ZDHHC2: variants seen among roughly 807,000 people sequenced by gnomAD.
ZDHHC2 encodes the protein zDHHC palmitoyltransferase 2.
A neutral mutation model predicts 55.6 loss-of-function variants in ZDHHC2; 51 were observed. The ratio of observed to expected loss-of-function variants is 0.92; its 90% CI spans 0.73 to 1.16. The LOEUF (loss-of-function observed/expected upper bound fraction) is 1.16. Ranked by LOEUF, ZDHHC2 falls within the 50% of genes most tolerant of loss-of-function variation. The pLI is 0.00. For synonymous variants in ZDHHC2, 199 were observed against 152.9 expected (o/e 1.30, Z -2.22); for missense variants, 491 against 442.4 (o/e 1.11, Z -0.99).
intron 2 of ZDHHC2, among the ~76,000 whole-genome samples, chr8:17,185,712 A>G (rs1345455341): frequency 6.6e-6 from 1 of 152,206 alleles, no homozygotes; most frequent in African/African-American, 2.4e-5. Flanking sequence ...TCAAGACTTT[A>G]TAACACCACC....
chr8:17,205,063 C>A (rs538694992), intron 6 of ZDHHC2, among the ~76,000 whole-genome samples: 1 of 152,150 alleles, frequency 6.6e-6, no homozygotes, highest in Non-Finnish European at 1.5e-5. Flanking sequence ...AAATGAAATT[C>A]TAATCGATGA....
intron 2 of ZDHHC2, among the ~76,000 whole-genome samples, chr8:17,185,177 C>G (rs1431664930): frequency 6.6e-6 from 1 of 152,072 alleles, no homozygotes; most frequent in Non-Finnish European, 1.5e-5. Flanking sequence ...TTGAATAATT[C>G]AAATTTTTAA....
intron 1 of ZDHHC2, among the ~76,000 whole-genome samples, chr8:17,173,939 C>T (rs1022980006): frequency 6.6e-6 from 1 of 151,938 alleles, no homozygotes; most frequent in African/African-American, 2.4e-5. Context: ...ACTTGCTGTC[C>T]TTAAAAGAAG....
Position 17,199,509 on chromosome 8 carries a change from T to TTCTTCGTCTTCG in ZDHHC2, c.476+1108_476+1119dup, listed in dbSNP as rs1554466017. On this transcript the variant is annotated intron_variant, in intron 6 of 12. Coordinates refer to ENST00000262096, the MANE Select transcript of ZDHHC2 (RefSeq NM_016353.5). ...CTTCTTCTTCTTCTTCTTCTTCTTC[T>TTCTTCGTCTTCG]TCTTCGTCTTCGTCTTCGTCTTCTG... 4.9e-3 allele frequency among the ~76,000 whole-genome samples: 597 copies of TTCTTCGTCTTCG among 121,076 alleles called. 25 individuals carry two copies. Among genetic ancestry groups the TTCTTCGTCTTCG allele is most frequent in the East Asian group, 0.026 (91 of 3,534 alleles). 79.4% of individuals were successfully genotyped at this position (121,076 alleles called of 152,430 possible).
Position 17,186,342 on chromosome 8 carries a change from A to T in ZDHHC2, c.169A>T (p.Met57Leu). The change falls in exon 3 of 13, where the codon ATG becomes TTG. Residue 57 changes from methionine (M) to leucine (L), a missense_variant. By Grantham distance (15) the Met-to-Leu change is conservative. Transcript: ENST00000262096. Reference protein sequence around the residue: ...ENTGEQVVCLMAYHLLFAMFV... With the variant: ...ENTGEQVVCLLAYHLLFAMFV... Reference sequence around the variant, plus strand: ...TTTTCTCATTTTAGTTGTGTGCCTGATGGCCTATCATCTACTTTTTGCAAT... The same window carrying T: ...TTTTCTCATTTTAGTTGTGTGCCTGTTGGCCTATCATCTACTTTTTGCAAT... 1 of 1,595,118 alleles carries T rather than the reference A, an allele frequency of 6.3e-7. No homozygotes were observed. The highest frequency in any genetic ancestry group is 8.5e-7 in the Non-Finnish European group (1 of 1,171,848).
intron 1 of ZDHHC2, among the ~76,000 whole-genome samples, chr8:17,168,737 CATACAAT>C (rs1175089272): frequency 1.3e-5 from 2 of 152,082 alleles, no homozygotes; most frequent in Non-Finnish European, 2.9e-5. Context: ...TGAGTGGAAT[CATACAAT>C]ATTTGTCCTT....
At position 17,222,078 on chromosome 8, in the gene ZDHHC2, G is replaced by A; in HGVS notation, c.*1857G>A. ...CCCTCTTGTCAAACTGGAAGCTAGGGGAAAAAGAGGGATTTTTATCCTTTA... is the reference window on the plus strand; with the variant it reads ...CCCTCTTGTCAAACTGGAAGCTAGGAGAAAAAGAGGGATTTTTATCCTTTA... On this transcript the variant is annotated 3_prime_UTR_variant, in exon 13 of 13. Transcript: ENST00000262096. 1 of 150,072 alleles carries A rather than the reference G, an allele frequency of 6.7e-6. No homozygotes were observed. The highest frequency in any genetic ancestry group is 1.9e-4 in the East Asian group (1 of 5,146). The allele number at this position is 150,072 out of a possible 1,614,324, so 9.3% of individuals were successfully genotyped here. A position where few individuals can be genotyped will look rare whatever the true frequency, so the allele number is the denominator to read the frequency against.
intron 3 of ZDHHC2, among the ~76,000 whole-genome samples, chr8:17,194,637 G>A (rs998727963): frequency 2.6e-5 from 4 of 151,946 alleles, no homozygotes; most frequent in African/African-American, 4.8e-5. Flanking sequence ...ATGAATCATT[G>A]TATATATGTT....
rs1472285857 is a variant in ZDHHC2, at chr8:17,205,707, G to C, written c.529G>C (p.Ala177Pro). 6.2e-7 allele frequency: 1 copy of C among 1,609,834 alleles called. No individual in the cohort carries two copies. The highest frequency in any genetic ancestry group is 8.5e-7 in the Non-Finnish European group (1 of 1,178,572). Residue 177 changes from alanine to proline, a missense_variant, in exon 7 of 13, where the codon GCT becomes CCT. By Grantham distance (27) the Ala-to-Pro change is conservative. Coordinates refer to ENST00000262096, the MANE Select transcript of ZDHHC2 (RefSeq NM_016353.5). ...SNYKFFLLFL[A>P]YSLLYCLFIA... ...TTATAAGTTCTTTCTCCTTTTCTTG[G>C]CTTATTCTCTGCTCTACTGCCTTTT...
rs1247959425 is a variant in ZDHHC2, at chr8:17,207,957, TAG to T, written c.598-1_598del. The stretch of plus-strand genomic sequence containing the variant: ...ACATGTTATTTTCTTCCTTTCTTTA[TAG>T]AATGGCCTACCTGATACTCAAGCCA... On this transcript the variant is annotated splice_acceptor_variant, in intron 7 of 12. Transcript: ENST00000262096. LOFTEE classifies it high-confidence loss of function. 1.3e-6 allele frequency: 2 copies of T among 1,516,288 alleles called. No individual in the cohort carries two copies. The highest frequency in any genetic ancestry group is 3.9e-5 in the Admixed American group (2 of 50,838). The allele number at this position is 1,516,288 out of a possible 1,614,324, so 93.9% of individuals were successfully genotyped here.
intron 6 of ZDHHC2, among the ~76,000 whole-genome samples, chr8:17,199,520 C>CT (rs1339162183): frequency 9.8e-4 from 39 of 39,878 alleles, no homozygotes; most frequent in South Asian, 9.1e-3. Flanking sequence ...TCTTCGTCTT[C>CT]GTCTTCGTCT....
rs983543281 is a variant in ZDHHC2 at position 17,221,433 on chromosome 8, G to T, written c.*1212G>T. On this transcript the variant is annotated 3_prime_UTR_variant, in exon 13 of 13. Coordinates refer to ENST00000262096, the MANE Select transcript of ZDHHC2 (RefSeq NM_016353.5). Reference sequence around the variant, plus strand: ...TGAGTCCAGTATAATTCATGTAAATGTTAACAATTAGAATAATACTCTGTA... The same window carrying T: ...TGAGTCCAGTATAATTCATGTAAATTTTAACAATTAGAATAATACTCTGTA... The T allele has an allele frequency of 1.3e-5, 2 of 152,450 alleles. No homozygotes were observed. The highest frequency in any genetic ancestry group is 2.4e-5 in the African/African-American group (1 of 41,424). 9.4% of individuals were successfully genotyped at this position (152,450 alleles called of 1,614,324 possible).
chr8:17,214,795 C>T (rs770538652), intron 10 of ZDHHC2, among the ~76,000 whole-genome samples: 3 of 151,858 alleles, frequency 2.0e-5, no homozygotes, highest in Non-Finnish European at 4.4e-5. Flanking sequence ...CCCAGCTACT[C>T]GGGAGGCTGA....
intron 1 of ZDHHC2, among the ~76,000 whole-genome samples, chr8:17,183,826 C>T (rs58195887): frequency 6.5e-4 from 99 of 152,196 alleles, no homozygotes; most frequent in African/African-American, 2.2e-3. Context: ...CAAGAAACTA[C>T]GGGCTTCTGC....
intron 3 of ZDHHC2, among the ~76,000 whole-genome samples, chr8:17,191,655 GTTTT>G (rs1021825482): frequency 2.0e-5 from 3 of 152,126 alleles, no homozygotes; most frequent in Non-Finnish European, 4.4e-5. Context: ...CTCATTCTTT[GTTTT>G]GTGGCTGAAT....
chr8:17,174,306 G>A (rs572846895), intron 1 of ZDHHC2, among the ~76,000 whole-genome samples: 125 of 152,212 alleles, frequency 8.2e-4, no homozygotes, highest in African/African-American at 3.0e-3. Context: ...GTCCAGAAAT[G>A]TGAGAACATA....
intron 11 of ZDHHC2, among the ~76,000 whole-genome samples, chr8:17,215,964 A>C (rs1213785200): frequency 2.0e-5 from 3 of 152,230 alleles, no homozygotes; most frequent in African/African-American, 7.2e-5. Flanking sequence ...GATATGTGTC[A>C]CGTTACCTAA....
intron 3 of ZDHHC2, among the ~76,000 whole-genome samples, chr8:17,191,144 T>C (rs1460821086): frequency 6.6e-6 from 1 of 151,904 alleles, no homozygotes; most frequent in Non-Finnish European, 1.5e-5. Context: ...GTGGTTTTAG[T>C]AGAGATGAAG....
At chr8:17,160,687 A>G (rs1175735025) in intron 1 of ZDHHC2, among the ~76,000 whole-genome samples, 2 of 152,236 alleles carry the variant, frequency 1.3e-5, no homozygotes, top group African/African-American at 4.8e-5. Flanking sequence ...CAGAGCTCTG[A>G]AAATAAGCCA....
Sources: gnomAD v4.1 joint callset for allele counts (sites outside exome capture counted in the v4.1 genomes callset) on GRCh38, gnomAD v4.1.1 for gene constraint, MANE v1.5 for transcripts, NCBI Gene and HGNC (gene_info 2026-07-23, HGNC 2026-07-21) for gene names.